Variants in PPFIA2 observed in about 807,000 individuals in gnomAD.
PPFIA2 encodes the protein PPFI scaffold protein A2, also known as liprin-alpha-2.
Under a neutral mutation model 175.5 loss-of-function variants are expected in PPFIA2, and 46 were observed. The ratio of observed to expected loss-of-function variants is 0.26; its 90% CI spans 0.21 to 0.34. The LOEUF is 0.34. Ranked by LOEUF, PPFIA2 falls within the 10% of genes least tolerant of loss-of-function variation. The pLI is 1.00. For missense variants in PPFIA2, 1,179 were observed against 1,506.1 expected (o/e 0.78, Z 3.60); for synonymous variants, 568 against 511.4 (o/e 1.11, Z -1.49).
At chr12:81,305,590 G>C (rs1328033834) in intron 22 of PPFIA2, among the ~76,000 whole-genome samples, 5 of 151,964 alleles carry the variant, frequency 3.3e-5, no homozygotes, top group African/African-American at 7.2e-5. Flanking sequence ...CTCTCCATTT[G>C]GAATGGCCTT....
chr12:81,659,630 C>A (rs1376364410), intron 4 of PPFIA2, among the ~76,000 whole-genome samples: 1 of 152,146 alleles, frequency 6.6e-6, no homozygotes, highest in Non-Finnish European at 1.5e-5. Flanking sequence ...CCTCTGGGGG[C>A]AAGGAATAGC....
At chr12:81,674,134 CA>C (rs2071979108) in intron 4 of PPFIA2, among the ~76,000 whole-genome samples, 1 of 151,984 alleles carries the variant, frequency 6.6e-6, no homozygotes, top group African/African-American at 2.4e-5. Context: ...TGTGTACCCA[CA>C]GCAAAATTTG....
intron 4 of PPFIA2, among the ~76,000 whole-genome samples, chr12:81,510,363 C>T (rs1013899481): frequency 2.0e-5 from 3 of 152,048 alleles, no homozygotes; most frequent in African/African-American, 4.8e-5. Flanking sequence ...CAATTAATCA[C>T]ATAGAAACTC....
rs1243391679 is a variant in PPFIA2 at position 81,753,863 on chromosome 12, G to C, written c.249+110C>G. On this transcript the variant is annotated intron_variant, in intron 3 of 32. Transcript: ENST00000549396. Reference sequence around the variant, plus strand: ...ATTCCTAAGTTGTTCTCACCAAAACGTGTGTATCACATATGTTAAGTGGAA... The same window carrying C: ...ATTCCTAAGTTGTTCTCACCAAAACCTGTGTATCACATATGTTAAGTGGAA... 2.2e-6 allele frequency: 3 copies of C among 1,340,904 alleles called. 1 individual carries two copies. The highest frequency in any genetic ancestry group is 4.0e-4 in the Middle Eastern group (2 of 4,942). The allele number at this position is 1,340,904 out of a possible 1,614,324, so 83.1% of individuals were successfully genotyped here. A position where few individuals can be genotyped will look rare whatever the true frequency, so the allele number is the denominator to read the frequency against.
At chr12:81,607,104 T>A (rs1012389151) in intron 4 of PPFIA2, among the ~76,000 whole-genome samples, 2 of 152,086 alleles carry the variant, frequency 1.3e-5, no homozygotes, top group African/African-American at 4.8e-5. Context: ...GTCAGCCTCA[T>A]CGAAGATCTG....
At chr12:81,482,279 C>T (rs571402227) in intron 4 of PPFIA2, among the ~76,000 whole-genome samples, 46 of 152,310 alleles carry the variant, frequency 3.0e-4, no homozygotes, top group African/African-American at 9.4e-4. Context: ...AACGCTTTTA[C>T]ACTGTTGTTG....
At chr12:81,661,638 A>T (rs2068892282) in intron 4 of PPFIA2, among the ~76,000 whole-genome samples, 1 of 152,188 alleles carries the variant, frequency 6.6e-6, no homozygotes, top group South Asian at 2.1e-4. Context: ...TAGACAGATC[A>T]ATGAGACAGA....
At chr12:81,632,753 C>CA (rs1371305058) in intron 4 of PPFIA2, among the ~76,000 whole-genome samples, 3 of 151,324 alleles carry the variant, frequency 2.0e-5, no homozygotes, top group East Asian at 1.9e-4. Context: ...GTGTCTGAGC[C>CA]AAAAAAGCAA....
Position 81,584,068 on chromosome 12 carries a change from A to G in PPFIA2, c.303+92723T>C, listed in dbSNP as rs948538960. On this transcript the variant is annotated intron_variant, in intron 4 of 32. Transcript: ENST00000549396. ...CTGCATCTTACAATCGTCTATTAAA[A>G]TATTTGTTTTAACCTCTTATGCTTT... 2.0e-5 allele frequency among the ~76,000 whole-genome samples: 3 copies of G among 151,898 alleles called. No homozygotes were observed. In the East Asian group the frequency reaches 5.8e-4, roughly 29 times the overall value.
In PPFIA2 at chr12:81,349,365, G is replaced by A. The variant is rs1446084578; in HGVS notation, c.1995-1595C>T. Among the ~76,000 whole-genome samples the A allele has an allele frequency of 3.3e-5, 5 of 152,118 alleles. No homozygotes were observed. In the East Asian group the frequency reaches 7.7e-4, roughly 23 times the overall value. ...AGGTTCATTTTGGTTAAAACATTATGAGGCACATTTACACTTAATTATAAT... is the reference window on the plus strand; with the variant it reads ...AGGTTCATTTTGGTTAAAACATTATAAGGCACATTTACACTTAATTATAAT... On this transcript the variant is annotated intron_variant, in intron 17 of 32. Transcript: ENST00000549396.
At chr12:81,515,609 C>T (rs2062329248) in intron 4 of PPFIA2, among the ~76,000 whole-genome samples, 1 of 152,032 alleles carries the variant, frequency 6.6e-6, no homozygotes, top group Non-Finnish European at 1.5e-5. Context: ...AGCTTAGATG[C>T]TTATACTACA....
chr12:81,601,897 A>C (rs1442997264), intron 4 of PPFIA2, among the ~76,000 whole-genome samples: 2 of 152,064 alleles, frequency 1.3e-5, no homozygotes, highest in African/African-American at 2.4e-5. Flanking sequence ...ATGATCTAGC[A>C]ATTTAATGCC....
intron 4 of PPFIA2, among the ~76,000 whole-genome samples, chr12:81,596,531 A>G (rs2059266208): frequency 6.6e-6 from 1 of 152,132 alleles, no homozygotes; most frequent in Admixed American, 6.6e-5. Context: ...GTGTTTTCAA[A>G]GAAAGTCACC....
At chr12:81,614,108 T>C (rs1024275481) in intron 4 of PPFIA2, among the ~76,000 whole-genome samples, 2 of 152,136 alleles carry the variant, frequency 1.3e-5, no homozygotes, top group Non-Finnish European at 1.5e-5. Flanking sequence ...AAGATTTTTA[T>C]GGATTGTTTT....
chr12:81,702,382 A>T (rs529428426), intron 3 of PPFIA2, among the ~76,000 whole-genome samples: 1 of 152,212 alleles, frequency 6.6e-6, no homozygotes, highest in South Asian at 2.1e-4. Context: ...TTTCTCCACT[A>T]TATTACCCAC....
chr12:81,414,972 C>A (rs1592627800), intron 7 of PPFIA2, among the ~76,000 whole-genome samples: 1 of 150,202 alleles, frequency 6.7e-6, no homozygotes, highest in Non-Finnish European at 1.5e-5. Flanking sequence ...ATAAGCATCA[C>A]TGAAGCACGT....
chr12:81,539,737 C>A (rs372733559), intron 4 of PPFIA2, among the ~76,000 whole-genome samples: 1 of 151,906 alleles, frequency 6.6e-6, no homozygotes, highest in Non-Finnish European at 1.5e-5. Context: ...AGGAATAACT[C>A]AACTAGATAC....
intron 18 of PPFIA2, 47 bp downstream of exon 18, chr12:81,347,486 C>T: frequency 6.8e-7 from 1 of 1,464,412 alleles, no homozygotes; most frequent in Non-Finnish European, 9.6e-7. Context: ...GCTAAAGCAT[C>T]ATTAATCTTA....
chr12:81,541,577 GA>G (rs1279594507), intron 4 of PPFIA2, among the ~76,000 whole-genome samples: 1 of 151,662 alleles, frequency 6.6e-6, no homozygotes, highest in East Asian at 1.9e-4. Context: ...TTCTTTTGTT[GA>G]AAAATAAAAA....
Sources: gnomAD v4.1 joint callset for allele counts (sites outside exome capture counted in the v4.1 genomes callset) on GRCh38, gnomAD v4.1.1 for gene constraint, MANE v1.5 for transcripts, NCBI Gene and HGNC (gene_info 2026-07-23, HGNC 2026-07-21) for gene names.